The following DNASE1 variants were observed in gnomAD, a reference collection of about 807,000 sequenced individuals.
DNASE1 encodes deoxyribonuclease 1, also known as deoxyribonuclease-1.
A neutral mutation model predicts 33.9 loss-of-function variants in DNASE1; 40 were observed. The ratio of observed to expected loss-of-function variants is 1.18; its 90% CI spans 0.92 to 1.54. DNASE1 has a LOEUF of 1.54. Ranked by LOEUF, DNASE1 falls within the 40% of genes most tolerant of loss-of-function variation. The probability of loss-of-function intolerance (pLI) is 0.00; values close to 1 mark genes in which losing one functional copy is unlikely to be tolerated. For missense variants in DNASE1, 518 were observed against 372.6 expected, an observed-to-expected ratio of 1.39 and a Z score of -3.21; for synonymous variants, 216 against 160.0, an observed-to-expected ratio of 1.35 and a Z score of -2.64.
chr16:3,662,887 CGTT>C, downstream of DNASE1: 1 of 1,613,600 alleles, frequency 6.2e-7, no homozygotes, highest in Non-Finnish European at 8.5e-7. Flanking sequence ...CTCACCTTCA[CGTT>C]GGTGACACGC....
At chr16:3,635,257 A>C (rs746822447) in intron 1 of DNASE1, among the ~76,000 whole-genome samples, 15 of 152,272 alleles carry the variant, frequency 9.9e-5, no homozygotes, top group Admixed American at 2.0e-4. Flanking sequence ...CAGGAGTTCA[A>C]GACCAGCCTG....
At chr16:3,623,956 A>G (rs764062826) in intron 1 of DNASE1, among the ~76,000 whole-genome samples, 5 of 152,142 alleles carry the variant, frequency 3.3e-5, no homozygotes, top group Non-Finnish European at 7.4e-5. Flanking sequence ...TATGCTGTTA[A>G]TGGGACTGTA....
chr16:3,636,727 C>T (rs186255547), intron 1 of DNASE1, among the ~76,000 whole-genome samples: 6 of 148,740 alleles, frequency 4.0e-5, no homozygotes, highest in African/African-American at 7.5e-5. Context: ...GGCTGAGGCA[C>T]GAGAATTGCT....
In DNASE1 at chr16:3,655,435, T is replaced by C. The variant is rs1049068889; in HGVS notation, c.62T>C (p.Val21Ala). 1.2e-6 allele frequency: 2 copies of C among 1,613,994 alleles called. No homozygotes were observed. Among genetic ancestry groups the C allele is most frequent in the African/African-American group, 2.7e-5 (2 of 74,940 alleles). ...LALAALLQGA[V>A]SLKIAAFNIQ... ...CTGGCGGCCCTACTGCAGGGGGCCG[T>C]GTCCCTGAAGATCGCAGCCTTCAAC... The change falls in exon 2 of 9, where the codon GTG (valine) becomes GCG (alanine). Residue 21 changes from valine to alanine, a missense_variant. Physicochemically the swap from Val to Ala is moderately conservative, Grantham distance 64 (BLOSUM62 0). Coordinates refer to ENST00000246949, the MANE Select transcript of DNASE1 (RefSeq NM_005223.4).
chr16:3,645,110 AGAGT>A (rs1438071850), intron 1 of DNASE1, among the ~76,000 whole-genome samples: 1 of 152,198 alleles, frequency 6.6e-6, no homozygotes, highest in Non-Finnish European at 1.5e-5. Context: ...CCTGGGTGAC[AGAGT>A]GAGAGACCCT....
downstream of DNASE1, chr16:3,658,690 C>CAAAAAGACAGGATTT (rs2042874777): frequency 8.5e-7 from 1 of 1,180,668 alleles, no homozygotes; most frequent in East Asian, 2.6e-5. Flanking sequence ...AACAAACAAA[C>CAAAAAGACAGGATTT]AAAAAGACAG....
intron 1 of DNASE1, among the ~76,000 whole-genome samples, chr16:3,616,642 AAATAAATAAATT>A (rs2041113879): frequency 7.5e-6 from 1 of 133,832 alleles, no homozygotes; most frequent in Non-Finnish European, 1.6e-5. Flanking sequence ...TTAAATAAAT[AAATAAATAAATT>A]CATATGTAAT....
upstream of DNASE1, chr16:3,652,327 A>G (rs2151207283): frequency 6.6e-6 from 1 of 152,334 alleles, no homozygotes; most frequent in South Asian, 2.1e-4. Flanking sequence ...TGCACCAGGC[A>G]GTTTCTTGGT....
At chr16:3,639,161 A>G (rs1262234650), upstream of DNASE1, among the ~76,000 whole-genome samples, 2 of 152,146 alleles carry the variant, frequency 1.3e-5, no homozygotes, top group Non-Finnish European at 1.5e-5. Context: ...TCAACTCTAA[A>G]TCCACCCTTC....
chr16:3,661,678 A>C, downstream of DNASE1: 1 of 323,122 alleles, frequency 3.1e-6, no homozygotes. Flanking sequence ...TCCACGTACA[A>C]AGCTCAAAAC....
At chr16:3,636,812 T>G (rs552250491) in intron 1 of DNASE1, among the ~76,000 whole-genome samples, 70 of 150,446 alleles carry the variant, frequency 4.7e-4, no homozygotes, top group African/African-American at 1.6e-3. Context: ...AGAGTGAGAC[T>G]CTGTCTGGGG....
intron 1 of DNASE1, among the ~76,000 whole-genome samples, chr16:3,625,939 A>T (rs766601071): frequency 6.6e-6 from 1 of 152,160 alleles, no homozygotes; most frequent in Non-Finnish European, 1.5e-5. Context: ...GTCTGAACAA[A>T]CAATTTAAAA....
chr16:3,612,342 C>T (rs1483414757), intron 1 of DNASE1, among the ~76,000 whole-genome samples: 2 of 152,092 alleles, frequency 1.3e-5, no homozygotes, highest in East Asian at 3.9e-4. Context: ...CCTCTGTCTC[C>T]CGGGTTCGAG....
downstream of DNASE1, chr16:3,659,016 A>G (rs2042904358): frequency 6.8e-6 from 5 of 732,708 alleles, no homozygotes; most frequent in Non-Finnish European, 1.1e-5. Flanking sequence ...TTTATAGATA[A>G]TATCATTATA....
exon 10 of DNASE1, chr16:3,663,430 A>C (rs2050736870): frequency 6.2e-7 from 1 of 1,613,904 alleles, no homozygotes; most frequent in African/African-American, 1.3e-5. Context: ...CGACCTGGGG[A>C]CCTGTCCTCA....
At chr16:3,616,478 G>T (rs1373233400) in intron 1 of DNASE1, among the ~76,000 whole-genome samples, 1 of 152,188 alleles carries the variant, frequency 6.6e-6, no homozygotes, top group Non-Finnish European at 1.5e-5. Flanking sequence ...AAAATTAGCC[G>T]GATGTGGTGG....
downstream of DNASE1, chr16:3,662,492 G>A (rs1025813555): frequency 3.9e-6 from 2 of 519,260 alleles, no homozygotes; most frequent in African/African-American, 1.9e-5. Context: ...CAGGTTGGTG[G>A]GGGGAGTCTT....
downstream of DNASE1, chr16:3,662,246 A>G: frequency 7.6e-7 from 1 of 1,314,432 alleles, no homozygotes; most frequent in Non-Finnish European, 1.0e-6. Flanking sequence ...CGGGGTCTCA[A>G]GGACTCCCCT....
At chr16:3,620,425 G>A (rs1462289814) in intron 1 of DNASE1, among the ~76,000 whole-genome samples, 1 of 149,972 alleles carries the variant, frequency 6.7e-6, no homozygotes, top group Non-Finnish European at 1.5e-5. Context: ...AGTGCAGCGT[G>A]GCCTGATCAT....
Sources: gnomAD v4.1 joint callset for allele counts (sites outside exome capture counted in the v4.1 genomes callset) on GRCh38, gnomAD v4.1.1 for gene constraint, MANE v1.5 for transcripts, NCBI Gene and HGNC (gene_info 2026-07-23, HGNC 2026-07-21) for gene names.